The following XPOT variants were observed in gnomAD, a reference collection of about 807,000 sequenced individuals.
The protein encoded by XPOT is exportin-T.
Under a neutral mutation model 128.2 loss-of-function variants are expected in XPOT, and 34 were observed. The observed-to-expected ratio is 0.27, with a 90% CI of 0.20 to 0.35. XPOT has a LOEUF of 0.35. Ranked by LOEUF, XPOT falls within the 10% of genes least tolerant of loss-of-function variation. The probability of loss-of-function intolerance (pLI) is 1.00; values close to 1 mark genes in which losing one functional copy is unlikely to be tolerated. For missense variants in XPOT, 838 were observed against 1,125.3 expected (o/e 0.74, Z 3.65); for synonymous variants, 348 against 394.3 (o/e 0.88, Z 1.39).
chr12:64,422,985 T>C lies in XPOT; in HGVS notation c.1081-20T>C. Reference sequence around the variant, plus strand: ...TATAACTTTAGAAAACCTAATAAGTTATTGCTTCCTTTTTAACAGCTTACA... The same window carrying C: ...TATAACTTTAGAAAACCTAATAAGTCATTGCTTCCTTTTTAACAGCTTACA... On this transcript the variant is annotated intron_variant, in intron 9 of 24. Transcript: ENST00000332707. The C allele has an allele frequency of 6.2e-7, 1 of 1,611,194 alleles. No individual in the cohort carries two copies. Among genetic ancestry groups the C allele is most frequent in the Non-Finnish European group, 8.5e-7 (1 of 1,179,456 alleles).
At chr12:64,433,095 G>A (rs969207979) in intron 18 of XPOT, among the ~76,000 whole-genome samples, 1 of 152,012 alleles carries the variant, frequency 6.6e-6, no homozygotes, top group Non-Finnish European at 1.5e-5. Context: ...ACAGGCGTGC[G>A]CCACTACACC....
intron 9 of XPOT, 136 bp from the exon 10 acceptor site, chr12:64,422,865 TGCAC>T: frequency 5.1e-6 from 1 of 196,990 alleles, no homozygotes; most frequent in Non-Finnish European, 1.1e-5. Context: ...ACTGCGCCAC[TGCAC>T]TCCAGCCTGG....
At position 64,445,100 on chromosome 12, in the gene XPOT, C is replaced by A. The variant is rs751897290; in HGVS notation, c.2831C>A (p.Pro944His). 1 of 1,610,270 alleles carries A rather than the reference C, an allele frequency of 6.2e-7. No homozygotes were observed. Among genetic ancestry groups the A allele is most frequent in the Admixed American group, 1.7e-5 (1 of 59,384 alleles). ...GAGTTTTGTCAAGCGCTTCAGCAGC[C>A]TGATGCTAAAGTTTTTAAAAATTAC... ...IQEFCQALQQ[P>H]DAKVFKNYLK... is the part of the protein sequence containing the mutation. Residue 944 changes from proline to histidine, a missense_variant, in exon 24 of 25, where the codon CCT becomes CAT. Physicochemically the swap from Pro to His is moderately conservative, Grantham distance 77. Transcript: ENST00000332707.
intron 21 of XPOT, among the ~76,000 whole-genome samples, chr12:64,435,214 A>G (rs566691479): frequency 7.9e-5 from 12 of 152,282 alleles, no homozygotes; most frequent in African/African-American, 2.2e-4. Flanking sequence ...GTTTCCTACT[A>G]CTACTTTAAT....
chr12:64,410,130 T>G (rs1359172376), intron 2 of XPOT, 35 bp downstream of exon 2: 1 of 1,594,810 alleles, frequency 6.3e-7, no homozygotes. Flanking sequence ...TTTAATCATG[T>G]CACCACAGAT....
chr12:64,421,396 A>T lies in XPOT; in HGVS notation c.1005A>T (p.Leu335=), dbSNP rs766974165. 1 of 1,614,094 alleles carries T rather than the reference A, an allele frequency of 6.2e-7. No homozygotes were observed. The highest frequency in any genetic ancestry group is 1.7e-5 in the Admixed American group (1 of 60,032). ...IETKVALMLQ[L]LIHEDDDISS... The stretch of plus-strand genomic sequence containing the variant: ...CAAAAGTGGCACTGATGTTGCAGCT[A>T]CTAATTCATGAGGATGATGATATTT... Residue 335 remains leucine (L), a synonymous_variant, in exon 9 of 25, where the codon CTA becomes CTT. Transcript: ENST00000332707.
chr12:64,433,460 A>G lies in XPOT; in HGVS notation c.2309A>G (p.His770Arg), dbSNP rs769861440. 1 of 1,601,482 alleles carries G rather than the reference A, an allele frequency of 6.2e-7. No homozygotes were observed. Among genetic ancestry groups the G allele is most frequent in the Non-Finnish European group, 8.5e-7 (1 of 1,171,814 alleles). ...FLQQMFMPLL[H>R]AIFEVLLRPA... ...CAACAGATGTTCATGCCCCTGCTTC[A>G]TGCAATTTTTGAAGTGCTGCTCCGG... is the stretch of plus-strand genomic sequence containing the variant. Residue 770 changes from histidine (H) to arginine (R), a missense_variant, in exon 19 of 25, where the codon CAT becomes CGT. Physicochemically the swap from His to Arg is conservative, Grantham distance 29. Coordinates refer to ENST00000332707, the MANE Select transcript of XPOT (RefSeq NM_007235.6).
intron 24 of XPOT, 99 bp downstream of exon 24, chr12:64,445,230 C>T (rs2040358873): frequency 9.1e-6 from 8 of 876,374 alleles, no homozygotes; most frequent in Non-Finnish European, 1.4e-5. Context: ...TATGTGAAGT[C>T]CCTTTTAACT....
At chr12:64,430,464 C>T (rs1441544233) in intron 17 of XPOT, among the ~76,000 whole-genome samples, 177 bp downstream of exon 17, 3 of 152,210 alleles carry the variant, frequency 2.0e-5, no homozygotes, top group Non-Finnish European at 2.9e-5. Flanking sequence ...AGGTTACATA[C>T]CATTTACATT....
intron 24 of XPOT, 33 bp downstream of exon 24, chr12:64,445,164 C>T (rs1410983250): frequency 4.0e-6 from 6 of 1,518,280 alleles, no homozygotes; most frequent in Non-Finnish European, 4.5e-6. Flanking sequence ...TATCTTCATA[C>T]AATTAGGTAA....
At chr12:64,427,819 C>G (rs927094095) in intron 15 of XPOT, among the ~76,000 whole-genome samples, 3 of 152,022 alleles carry the variant, frequency 2.0e-5, no homozygotes, top group Non-Finnish European at 2.9e-5. Flanking sequence ...CTATTTTTTG[C>G]GAATGAAAAC....
chr12:64,408,153 A>G (rs1252399286), intron 1 of XPOT, among the ~76,000 whole-genome samples: 2 of 152,144 alleles, frequency 1.3e-5, no homozygotes, highest in Non-Finnish European at 2.9e-5. Context: ...TCTGTCACCC[A>G]GGCTGGAGTG....
intron 14 of XPOT, 137 bp downstream of exon 14, chr12:64,425,594 C>A (rs1311991371): frequency 8.5e-7 from 1 of 1,175,448 alleles, no homozygotes; most frequent in Non-Finnish European, 1.2e-6. Context: ...GAAAGTAACC[C>A]CTCCTCCATT....
intron 1 of XPOT, among the ~76,000 whole-genome samples, chr12:64,406,416 T>C (rs1303756531): frequency 7.6e-6 from 1 of 130,944 alleles, no homozygotes; most frequent in African/African-American, 2.9e-5. Flanking sequence ...TTGACCAGGC[T>C]GGAGTGCGGT....
chr12:64,433,391 A>T, intron 18 of XPOT, 23 bp from the exon 19 acceptor site: 1 of 1,506,350 alleles, frequency 6.6e-7, no homozygotes, highest in East Asian at 2.4e-5. Flanking sequence ...CTAATTTCTG[A>T]AGTAATGATT....
intron 2 of XPOT, among the ~76,000 whole-genome samples, chr12:64,413,540 A>G (rs963086325): frequency 2.6e-5 from 4 of 152,210 alleles, no homozygotes; most frequent in African/African-American, 4.8e-5. Context: ...TCGTTATACC[A>G]TATATTTAAT....
intron 16 of XPOT, among the ~76,000 whole-genome samples, chr12:64,428,975 C>G (rs75365483): frequency 1.3e-5 from 2 of 152,152 alleles, no homozygotes; most frequent in African/African-American, 4.8e-5. Flanking sequence ...TATAACTGCG[C>G]TCATCTGAAA....
chr12:64,434,938 T>C (rs1271682897), intron 21 of XPOT, 29 bp downstream of exon 21: 1 of 1,562,966 alleles, frequency 6.4e-7, no homozygotes, highest in East Asian at 2.2e-5. Flanking sequence ...TTGTTTACCT[T>C]GTGTAGCTCA....
At chr12:64,436,510 G>C (rs11175391) in intron 22 of XPOT, among the ~76,000 whole-genome samples, 46,518 of 151,014 alleles carry the variant, frequency 0.31, 7,656 homozygotes, top group Middle Eastern at 0.48. Context: ...ATCTGCCCAC[G>C]ATGGCATCCA....
Sources: gnomAD v4.1 joint callset for allele counts (sites outside exome capture counted in the v4.1 genomes callset) on GRCh38, gnomAD v4.1.1 for gene constraint, MANE v1.5 for transcripts, NCBI Gene and HGNC (gene_info 2026-07-23, HGNC 2026-07-21) for gene names.